Variants in TCF4 observed in about 807,000 individuals in gnomAD.
TCF4 encodes transcription factor 4.
TCF4 carries 3 observed loss-of-function variants against 82.1 expected under a neutral mutation model. That is an observed-to-expected ratio of 0.04 (90% confidence interval 0.02 to 0.09). TCF4 has a LOEUF of 0.09. Among genes scored for constraint, TCF4 ranks in the 10% least tolerant of loss-of-function variants. The probability of loss-of-function intolerance (pLI) is 1.00; values close to 1 mark genes in which losing one functional copy is unlikely to be tolerated. For missense variants in TCF4, 518 were observed against 852.7 expected, an observed-to-expected ratio of 0.61 and a Z score of 4.89; for synonymous variants, 276 against 309.6, an observed-to-expected ratio of 0.89 and a Z score of 1.14.
intron 5 of TCF4, chr18:55,404,456 C>T (rs909566627): frequency 3.3e-5 from 5 of 152,208 alleles, no homozygotes; most frequent in African/African-American, 1.2e-4. Context: ...CCTAAGACCC[C>T]ACCCCACGCA....
chr18:55,257,639 A>G, intron 13 of TCF4: 2 of 560,486 alleles, frequency 3.6e-6, no homozygotes, highest in Non-Finnish European at 6.4e-6. Flanking sequence ...AGAACATTTA[A>G]TTGATTCTGA....
chr18:55,332,563 A>G (rs1306813908), intron 8 of TCF4, among the ~76,000 whole-genome samples: 1 of 152,196 alleles, frequency 6.6e-6, no homozygotes, highest in African/African-American at 2.4e-5. Flanking sequence ...GTGGTACCAG[A>G]CCCTTATAAA....
intron 1 of TCF4, among the ~76,000 whole-genome samples, chr18:55,634,081 C>T (rs1274014283): frequency 2.0e-5 from 3 of 152,056 alleles, no homozygotes; most frequent in Non-Finnish European, 2.9e-5. Flanking sequence ...CCAGCCTGGC[C>T]AACATGATGA....
intron 3 of TCF4, among the ~76,000 whole-genome samples, chr18:55,559,035 C>A: frequency 7.1e-6 from 1 of 140,266 alleles, no homozygotes; most frequent in Non-Finnish European, 1.5e-5. Flanking sequence ...GTATATATCT[C>A]CCCCCTAAAA....
At position 55,323,072 on chromosome 18, in the gene TCF4, A is replaced by G. The variant is rs928787855; in HGVS notation, c.549+27287T>C. 3.5e-4 allele frequency among the ~76,000 whole-genome samples: 53 copies of G among 152,210 alleles called. 1 individual carries two copies. Among genetic ancestry groups the G allele is most frequent in the Admixed American group, 3.5e-3 (53 of 15,290 alleles). On this transcript the variant is annotated intron_variant, in intron 8 of 19. Transcript: ENST00000354452. ...CAAGGTTTCTCACAAGCAAGTTGAT[A>G]TATTTATTTATTGTCTTTTAAAAAT...
intron 8 of TCF4, among the ~76,000 whole-genome samples, chr18:55,338,983 C>T (rs1283545534): frequency 2.6e-5 from 4 of 152,114 alleles, no homozygotes; most frequent in African/African-American, 9.7e-5. Flanking sequence ...CACATTTATG[C>T]ATTCATTACA....
intron 8 of TCF4, 146 bp downstream of exon 8, chr18:55,350,213 A>T: frequency 1.3e-6 from 1 of 792,634 alleles, no homozygotes; most frequent in Middle Eastern, 2.3e-4. Context: ...AGGTGGCTGG[A>T]TGTGCAGGTC....
At chr18:55,504,782 T>C (rs915018249) in intron 3 of TCF4, among the ~76,000 whole-genome samples, 2 of 152,202 alleles carry the variant, frequency 1.3e-5, no homozygotes, top group African/African-American at 4.8e-5. Flanking sequence ...AAATGGACTG[T>C]AGTACCAACT....
intron 1 of TCF4, among the ~76,000 whole-genome samples, chr18:55,634,129 C>T (rs1016819959): frequency 6.6e-5 from 10 of 152,038 alleles, no homozygotes; most frequent in Middle Eastern, 3.4e-3. Context: ...ATTAGCCACG[C>T]GTGGTGGCAG....
chr18:55,386,065 T>C (rs2092577177), intron 6 of TCF4, among the ~76,000 whole-genome samples: 1 of 151,940 alleles, frequency 6.6e-6, no homozygotes, highest in Non-Finnish European at 1.5e-5. Context: ...GGCCACCAAC[T>C]CTCCAACATC....
intron 5 of TCF4, among the ~76,000 whole-genome samples, chr18:55,454,255 G>GT (rs1568080953): frequency 6.6e-6 from 1 of 152,120 alleles, no homozygotes; most frequent in African/African-American, 2.4e-5. Flanking sequence ...AATATGGCCC[G>GT]TTTCCTATCT....
chr18:55,250,661 G>A (rs928418401), intron 15 of TCF4, among the ~76,000 whole-genome samples: 18 of 152,262 alleles, frequency 1.2e-4, no homozygotes, highest in Non-Finnish European at 2.1e-4. Flanking sequence ...CATGCAGAGC[G>A]CCTAGCAGAG....
chr18:55,301,996 G>C (rs1341405196), intron 8 of TCF4, among the ~76,000 whole-genome samples: 1 of 152,160 alleles, frequency 6.6e-6, no homozygotes, highest in African/African-American at 2.4e-5. Flanking sequence ...ACAATGGTAA[G>C]AAACAAAACC....
At chr18:55,363,081 T>C (rs561673859) in intron 6 of TCF4, among the ~76,000 whole-genome samples, 1 of 152,266 alleles carries the variant, frequency 6.6e-6, no homozygotes, top group Non-Finnish European at 1.5e-5. Flanking sequence ...ATGGATAGGG[T>C]AGAGAAGACA....
intron 2 of TCF4, among the ~76,000 whole-genome samples, chr18:55,622,042 C>G (rs1248401979): frequency 7.5e-6 from 1 of 133,028 alleles, no homozygotes; most frequent in Non-Finnish European, 1.5e-5. Flanking sequence ...TATATATACA[C>G]TATATATAAT....
At chr18:55,383,085 GTTGCCTGAAATTTCTCTATCTAC>G (rs1170896160) in intron 6 of TCF4, among the ~76,000 whole-genome samples, 2 of 152,200 alleles carry the variant, frequency 1.3e-5, no homozygotes, top group Non-Finnish European at 2.9e-5. Flanking sequence ...TGGAAAAGGA[GTTGCCTGAAATTTCTCTATCTAC>G]TTGCCTGAAA....
intron 3 of TCF4, among the ~76,000 whole-genome samples, chr18:55,484,098 C>T (rs2096482389): frequency 6.6e-6 from 1 of 152,160 alleles, no homozygotes; most frequent in Admixed American, 6.5e-5. Context: ...TCCAAACTGC[C>T]TCTTACCTAT....
intron 8 of TCF4, among the ~76,000 whole-genome samples, chr18:55,293,898 T>C (rs2065732265): frequency 6.9e-6 from 1 of 145,978 alleles, no homozygotes; most frequent in Non-Finnish European, 1.5e-5. Flanking sequence ...CAATTTTCAT[T>C]AAATGTATTT....
At chr18:55,405,084 G>T (rs1486092053) in intron 5 of TCF4, among the ~76,000 whole-genome samples, 3 of 152,182 alleles carry the variant, frequency 2.0e-5, no homozygotes, top group African/African-American at 7.2e-5. Context: ...CTGAAGAAAA[G>T]ATAAATTTAT....
Sources: gnomAD v4.1 joint callset for allele counts (sites outside exome capture counted in the v4.1 genomes callset) on GRCh38, gnomAD v4.1.1 for gene constraint, MANE v1.5 for transcripts, NCBI Gene and HGNC (gene_info 2026-07-23, HGNC 2026-07-21) for gene names.